The following PIK3C3 variants were observed in gnomAD, a reference collection of about 807,000 sequenced individuals.
PIK3C3 encodes the protein PI3-kinase type 3.
Under a neutral mutation model 126.1 loss-of-function variants are expected in PIK3C3, and 95 were observed. The observed-to-expected ratio is 0.75, with a 90% CI of 0.64 to 0.89. The LOEUF is 0.89. PIK3C3 is among the 40% of genes least tolerant of loss of function. The pLI, the probability that PIK3C3 is intolerant of heterozygous loss-of-function variation, is 0.00. For missense variants in PIK3C3, 829 were observed against 1,063.2 expected (o/e 0.78, Z 3.06); for synonymous variants, 374 against 360.0 (o/e 1.04, Z -0.44).
intron 5 of PIK3C3, among the ~76,000 whole-genome samples, chr18:41,988,300 C>T (rs935128934): frequency 3.3e-5 from 5 of 152,092 alleles, no homozygotes; most frequent in African/African-American, 1.2e-4. Context: ...TAATTTATTA[C>T]TTGTCTATGT....
intron 4 of PIK3C3, among the ~76,000 whole-genome samples, chr18:41,979,970 G>T (rs1276707024): frequency 6.6e-6 from 1 of 151,710 alleles, no homozygotes; most frequent in Non-Finnish European, 1.5e-5. Flanking sequence ...AGCTGATTAA[G>T]TGTACTTCTC....
chr18:42,052,437 C>T (rs1255702387), intron 21 of PIK3C3, among the ~76,000 whole-genome samples: 1 of 152,110 alleles, frequency 6.6e-6, no homozygotes, highest in Non-Finnish European at 1.5e-5. Context: ...TTCTTAACTG[C>T]TCTGTAATTA....
chr18:41,979,740 G>A (rs1185886222), intron 4 of PIK3C3, among the ~76,000 whole-genome samples: 6 of 152,050 alleles, frequency 3.9e-5, no homozygotes, highest in Non-Finnish European at 8.8e-5. Flanking sequence ...AAGACTGACA[G>A]TCAAGATTCC....
intron 20 of PIK3C3, among the ~76,000 whole-genome samples, chr18:42,047,649 A>T (rs1159352565): frequency 6.6e-6 from 1 of 152,150 alleles, no homozygotes; most frequent in African/African-American, 2.4e-5. Context: ...TTTTCAGGTG[A>T]TTCTTATGTT....
intron 10 of PIK3C3, 141 bp downstream of exon 10, chr18:42,004,682 T>A (rs2144383574): frequency 1.6e-6 from 1 of 627,874 alleles, no homozygotes. Context: ...GAAGAGGATA[T>A]ACTAGGTGTA....
chr18:42,079,689 C>A (rs2144541574), intron 24 of PIK3C3, among the ~76,000 whole-genome samples: 1 of 152,280 alleles, frequency 6.6e-6, no homozygotes, highest in East Asian at 1.9e-4. Context: ...ACATTTTTGT[C>A]ATACATAGAC....
intron 4 of PIK3C3, among the ~76,000 whole-genome samples, chr18:41,981,369 C>T (rs1190293164): frequency 6.6e-6 from 1 of 152,100 alleles, no homozygotes; most frequent in Admixed American, 6.6e-5. Flanking sequence ...AATAGTAAGA[C>T]ACTTTTAAGA....
At chr18:42,035,734 G>A (rs1984021133) in intron 16 of PIK3C3, among the ~76,000 whole-genome samples, 1 of 152,122 alleles carries the variant, frequency 6.6e-6, no homozygotes, top group African/African-American at 2.4e-5. Flanking sequence ...AAAATTGCCC[G>A]TATGCTTACA....
intron 4 of PIK3C3, among the ~76,000 whole-genome samples, chr18:41,978,030 C>T (rs1981016563): frequency 6.6e-6 from 1 of 152,174 alleles, no homozygotes; most frequent in Non-Finnish European, 1.5e-5. Context: ...GGCACACTCA[C>T]AGCTCACTGC....
intron 3 of PIK3C3, among the ~76,000 whole-genome samples, chr18:41,968,455 GATAA>G (rs1286534002): frequency 1.4e-4 from 21 of 152,138 alleles, no homozygotes; most frequent in Admixed American, 1.3e-3. Context: ...TGTTTAACAT[GATAA>G]ATAAATATTG....
chr18:41,964,845 T>C (rs190810387), intron 3 of PIK3C3, among the ~76,000 whole-genome samples: 53 of 152,236 alleles, frequency 3.5e-4, no homozygotes, highest in Admixed American at 1.2e-3. Context: ...TCTAAACTCA[T>C]GAATGAAATC....
At chr18:42,041,106 C>T (rs1034029523) in intron 19 of PIK3C3, among the ~76,000 whole-genome samples, 1 of 151,794 alleles carries the variant, frequency 6.6e-6, no homozygotes, top group Non-Finnish European at 1.5e-5. Context: ...CGCTTGAACC[C>T]GCGAGGTGGA....
At position 42,013,512 on chromosome 18, in the gene PIK3C3, G is replaced by T; in HGVS notation, c.1241G>T (p.Gly414Val). ...KYENFDDIKN[G>V]LEPTKKDSQS... ...GAAAATTTTGATGATATAAAGAATG[G>T]ATTGGAACCTACCAAGAAGGATAGT... The change falls in exon 11 of 25, where the codon GGA becomes GTA. Residue 414 changes from glycine to valine, a missense_variant. By Grantham distance (109) the Gly-to-Val change is moderately radical (BLOSUM62 -3). Around this residue, in one of 4 missense-constraint regions of PIK3C3, gnomAD observed 256 missense variants for 291.0 expected, o/e 0.88. Transcript: ENST00000262039. The T allele has an allele frequency of 6.3e-7, 1 of 1,595,242 alleles. No homozygotes were observed. Among genetic ancestry groups the T allele is most frequent in the Non-Finnish European group, 8.6e-7 (1 of 1,166,484 alleles).
At chr18:42,023,528 A>G (rs954928126) in intron 13 of PIK3C3, among the ~76,000 whole-genome samples, 25 of 152,230 alleles carry the variant, frequency 1.6e-4, no homozygotes, top group Non-Finnish European at 4.4e-5. Flanking sequence ...AATCAATAGC[A>G]TATGCTGTGT....
chr18:41,965,290 A>G (rs908621783), intron 3 of PIK3C3, among the ~76,000 whole-genome samples: 3 of 152,192 alleles, frequency 2.0e-5, no homozygotes, highest in Non-Finnish European at 4.4e-5. Context: ...GTTAGTACTC[A>G]TGCATTTTAG....
intron 4 of PIK3C3, among the ~76,000 whole-genome samples, chr18:41,973,137 T>C (rs770192270): frequency 6.7e-4 from 102 of 151,382 alleles, no homozygotes; most frequent in Non-Finnish European, 7.3e-4. Context: ...GGTTTCATAG[T>C]TATTATCTTA....
intron 13 of PIK3C3, among the ~76,000 whole-genome samples, chr18:42,022,734 C>T (rs929189456): frequency 2.0e-5 from 3 of 152,036 alleles, no homozygotes; most frequent in Admixed American, 1.3e-4. Context: ...ATTCATAAAA[C>T]TACATTTTCC....
chr18:42,005,608 A>G (rs1055515815), intron 10 of PIK3C3, among the ~76,000 whole-genome samples: 2 of 152,184 alleles, frequency 1.3e-5, no homozygotes, highest in South Asian at 2.1e-4. Flanking sequence ...GCAGTACTTT[A>G]TGGGATGTGG....
intron 19 of PIK3C3, among the ~76,000 whole-genome samples, chr18:42,041,273 A>G (rs903126101): frequency 5.3e-5 from 8 of 152,120 alleles, no homozygotes; most frequent in Non-Finnish European, 1.2e-4. Flanking sequence ...ATTATATTCC[A>G]AAGTATGGAA....
Sources: allele counts gnomAD v4.1 joint callset (sites outside exome capture counted in the v4.1 genomes callset), GRCh38; gene constraint gnomAD v4.1.1; regional missense constraint gnomAD v4.1.1; transcripts MANE v1.5; gene names NCBI Gene and HGNC (gene_info 2026-07-23, HGNC 2026-07-21).